Variants in PPHLN1 observed in about 807,000 individuals in gnomAD.
PPHLN1 encodes periphilin-1.
In PPHLN1, 29 loss-of-function variants were observed where a neutral mutation model predicts 51.3. The observed-to-expected ratio is 0.57, with a 90% CI of 0.42 to 0.77. The LOEUF (loss-of-function observed/expected upper bound fraction) is 0.77. Among genes scored for constraint, PPHLN1 ranks in the 30% least tolerant of loss-of-function variants. PPHLN1 has a pLI of 0.00. For missense variants in PPHLN1, 436 were observed against 438.4 expected, an observed-to-expected ratio of 0.99 and a Z score of 0.05; for synonymous variants, 147 against 147.8, an observed-to-expected ratio of 0.99 and a Z score of 0.04.
At chr12:42,428,671 A>G (rs2081733753) in intron 9 of PPHLN1, among the ~76,000 whole-genome samples, 1 of 152,116 alleles carries the variant, frequency 6.6e-6, no homozygotes, top group Admixed American at 6.6e-5. Flanking sequence ...GGTGCAGTGT[A>G]TACTGCCTGC....
chr12:42,424,613 C>T (rs1007673177), intron 9 of PPHLN1, among the ~76,000 whole-genome samples: 1 of 152,146 alleles, frequency 6.6e-6, no homozygotes, highest in African/African-American at 2.4e-5. Context: ...GAGGAGGGAG[C>T]AGCTAAACAG....
chr12:42,407,686 A>G (rs922419474), intron 9 of PPHLN1, among the ~76,000 whole-genome samples: 3 of 152,200 alleles, frequency 2.0e-5, no homozygotes, highest in Non-Finnish European at 2.9e-5. Flanking sequence ...ATGGCCTTGT[A>G]TTTGCATATA....
chr12:42,433,324 GC>G (rs1306587208), intron 9 of PPHLN1: 1 of 576,744 alleles, frequency 1.7e-6, no homozygotes, highest in East Asian at 3.8e-5. Context: ...CATTCTGGTT[GC>G]CAATTATTTT....
intron 2 of PPHLN1, among the ~76,000 whole-genome samples, chr12:42,343,042 A>G (rs1032937853): frequency 1.3e-5 from 2 of 152,210 alleles, no homozygotes; most frequent in Admixed American, 6.5e-5. Flanking sequence ...TGGGATGCAT[A>G]TCAGTTCCAC....
chr12:42,371,065 C>T (rs1158603043), intron 4 of PPHLN1, among the ~76,000 whole-genome samples: 1 of 151,812 alleles, frequency 6.6e-6, no homozygotes, highest in East Asian at 1.9e-4. Context: ...CCTCGGCCTC[C>T]CAAAGTGCTG....
chr12:42,417,943 GTT>G (rs371302578), intron 9 of PPHLN1, among the ~76,000 whole-genome samples: 6 of 88,390 alleles, frequency 6.8e-5, no homozygotes, highest in African/African-American at 1.6e-4. Context: ...TTTTTTTTTT[GTT>G]TTTTTTTTTT....
intron 5 of PPHLN1, among the ~76,000 whole-genome samples, chr12:42,376,227 C>T (rs1316725268): frequency 6.6e-6 from 1 of 152,112 alleles, no homozygotes; most frequent in African/African-American, 2.4e-5. Flanking sequence ...TCCTTTTCAA[C>T]GTCCTTCTCA....
In PPHLN1 at chr12:42,348,544, A is replaced by G. The variant is rs950444774; in HGVS notation, c.73-3341A>G. ...AAAGTTTTACCAAATACATTTTACAATCCCCAGATAACTTTCTAATAACTG... is the reference window on the plus strand; with the variant it reads ...AAAGTTTTACCAAATACATTTTACAGTCCCCAGATAACTTTCTAATAACTG... On this transcript the variant is annotated intron_variant, in intron 2 of 9. Coordinates refer to ENST00000358314, the MANE Select transcript of PPHLN1 (RefSeq NM_201439.2). 2.9e-4 allele frequency among the ~76,000 whole-genome samples: 44 copies of G among 152,168 alleles called. 1 individual carries two copies. The highest frequency in any genetic ancestry group is 1.9e-4 in the East Asian group (1 of 5,198).
At chr12:42,345,808 T>A (rs535637328) in intron 2 of PPHLN1, among the ~76,000 whole-genome samples, 29 of 152,186 alleles carry the variant, frequency 1.9e-4, no homozygotes, top group Admixed American at 4.6e-4. Context: ...CCTGTTAACC[T>A]TTTAAGATAG....
intron 9 of PPHLN1, among the ~76,000 whole-genome samples, chr12:42,414,707 A>G (rs1592850077): frequency 1.3e-5 from 2 of 152,298 alleles, no homozygotes; most frequent in Admixed American, 1.3e-4. Flanking sequence ...CTAGGTATAT[A>G]GTCATCGTTG....
chr12:42,339,979 T>C (rs1300008697), intron 2 of PPHLN1, among the ~76,000 whole-genome samples: 2 of 152,184 alleles, frequency 1.3e-5, no homozygotes, highest in Admixed American at 6.5e-5. Flanking sequence ...ATGTAAATAG[T>C]TATACTTTCT....
chr12:42,441,782 A>G lies in PPHLN1; in HGVS notation c.*273A>G. Reference sequence around the variant, plus strand: ...TGATCTGCCTGCCTCAGCCTCTCAAAGTGTTGAGATTACAGGCGTGAGCCA... The same window carrying G: ...TGATCTGCCTGCCTCAGCCTCTCAAGGTGTTGAGATTACAGGCGTGAGCCA... On this transcript the variant is annotated 3_prime_UTR_variant, in exon 10 of 10. Transcript: ENST00000358314. The G allele has an allele frequency of 1.7e-5, 19 of 1,119,678 alleles. No individual in the cohort carries two copies. Among genetic ancestry groups the G allele is most frequent in the Non-Finnish European group, 2.1e-5 (19 of 909,254 alleles). The allele number at this position is 1,119,678 out of a possible 1,614,324, so 69.4% of individuals were successfully genotyped here.
At chr12:42,405,625 A>G (rs180744804) in intron 9 of PPHLN1, among the ~76,000 whole-genome samples, 46 of 151,362 alleles carry the variant, frequency 3.0e-4, no homozygotes, top group African/African-American at 1.1e-3. Flanking sequence ...CATTATAGGA[A>G]ATCAGACAAT....
At chr12:42,336,470 G>A (rs1364925593) in intron 2 of PPHLN1, among the ~76,000 whole-genome samples, 1 of 152,110 alleles carries the variant, frequency 6.6e-6, no homozygotes, top group East Asian at 1.9e-4. Flanking sequence ...CTGTGGTCAG[G>A]CAGTCTGACT....
At chr12:42,381,802 T>C (rs1176055506) in intron 5 of PPHLN1, among the ~76,000 whole-genome samples, 1 of 152,208 alleles carries the variant, frequency 6.6e-6, no homozygotes, top group African/African-American at 2.4e-5. Flanking sequence ...TTTTCATTTA[T>C]TTATATCTTA....
At chr12:42,400,794 T>A (rs1453091140) in intron 9 of PPHLN1, among the ~76,000 whole-genome samples, 1 of 131,526 alleles carries the variant, frequency 7.6e-6, no homozygotes, top group African/African-American at 2.9e-5. Flanking sequence ...TCTCTCTCTC[T>A]CTTTCACACA....
At chr12:42,363,914 G>T (rs1409294060) in intron 4 of PPHLN1, among the ~76,000 whole-genome samples, 1 of 152,106 alleles carries the variant, frequency 6.6e-6, no homozygotes, top group Non-Finnish European at 1.5e-5. Flanking sequence ...TCCCCCTGTA[G>T]TTATGAGATC....
chr12:42,373,893 A>AGCAG (rs768283811), intron 4 of PPHLN1, among the ~76,000 whole-genome samples: 2 of 152,204 alleles, frequency 1.3e-5, no homozygotes, highest in Non-Finnish European at 2.9e-5. Context: ...ATAGGTATAT[A>AGCAG]GCAGGGTTTC....
intron 8 of PPHLN1, among the ~76,000 whole-genome samples, chr12:42,394,396 ATTT>A (rs1413884458): frequency 2.6e-5 from 4 of 152,126 alleles, no homozygotes; most frequent in Admixed American, 6.5e-5. Context: ...GTGACAAATT[ATTT>A]TTATTTGAAG....
Sources: gnomAD v4.1 joint callset for allele counts (sites outside exome capture counted in the v4.1 genomes callset) on GRCh38, gnomAD v4.1.1 for gene constraint, MANE v1.5 for transcripts, NCBI Gene and HGNC (gene_info 2026-07-23, HGNC 2026-07-21) for gene names.